The following MIB1 variants were observed in gnomAD, a reference collection of about 807,000 sequenced individuals.
The protein encoded by MIB1 is E3 ubiquitin-protein ligase MIB1.
A neutral mutation model predicts 124.5 loss-of-function variants in MIB1; 278 were observed. The ratio of observed to expected loss-of-function variants is 2.23; its 90% confidence interval spans 2.02 to 2.47. The LOEUF is 2.47. MIB1 is among the 30% of genes most tolerant of loss of function. The pLI is 0.00. For synonymous variants in MIB1, 446 were observed against 429.4 expected (o/e 1.04, Z -0.48); for missense variants, 957 against 1,254.4 (o/e 0.76, Z 3.58).
chr18:21,839,568 A>G (rs568377477), intron 13 of MIB1, among the ~76,000 whole-genome samples: 1 of 152,294 alleles, frequency 6.6e-6, no homozygotes, highest in East Asian at 1.9e-4. Flanking sequence ...ACAGTGGCAC[A>G]ATCATGGCTC....
chr18:21,713,089 C>A (rs2040672497), intron 1 of MIB1, among the ~76,000 whole-genome samples: 1 of 152,114 alleles, frequency 6.6e-6, no homozygotes. Flanking sequence ...TCCTGAGTAG[C>A]TGGGACTACA....
intron 4 of MIB1, among the ~76,000 whole-genome samples, chr18:21,776,901 C>T (rs2041295109): frequency 6.6e-6 from 1 of 151,836 alleles, no homozygotes; most frequent in African/African-American, 2.4e-5. Flanking sequence ...TGCTTGAACC[C>T]AGGAGGTGGA....
intron 3 of MIB1, among the ~76,000 whole-genome samples, chr18:21,771,482 A>T (rs2041223432): frequency 6.6e-6 from 1 of 152,198 alleles, no homozygotes; most frequent in Admixed American, 6.5e-5. Flanking sequence ...TTTTTGCTAC[A>T]GATTGCATGT....
At chr18:21,772,600 T>G (rs2041234973) in intron 3 of MIB1, among the ~76,000 whole-genome samples, 1 of 152,188 alleles carries the variant, frequency 6.6e-6, no homozygotes, top group African/African-American at 2.4e-5. Flanking sequence ...TCTAAAACAT[T>G]TCTTGTCCTA....
At chr18:21,756,831 CA>C (rs1336104196) in intron 1 of MIB1, among the ~76,000 whole-genome samples, 1 of 152,026 alleles carries the variant, frequency 6.6e-6, no homozygotes, top group African/African-American at 2.4e-5. Context: ...AAAAAAATGC[CA>C]AAAATATAAA....
intron 12 of MIB1, among the ~76,000 whole-genome samples, chr18:21,821,581 G>A (rs947899153): frequency 6.6e-6 from 1 of 150,690 alleles, no homozygotes; most frequent in Non-Finnish European, 1.5e-5. Flanking sequence ...CTTGTTCTGT[G>A]TGTGTTTTTT....
intron 1 of MIB1, among the ~76,000 whole-genome samples, chr18:21,760,704 A>G (rs892108913): frequency 6.6e-6 from 1 of 152,212 alleles, no homozygotes; most frequent in Non-Finnish European, 1.5e-5. Context: ...GTTGTGGAAA[A>G]TGAACTTAGA....
At chr18:21,842,653 C>A (rs2042102031) in intron 13 of MIB1, among the ~76,000 whole-genome samples, 1 of 152,158 alleles carries the variant, frequency 6.6e-6, no homozygotes, top group African/African-American at 2.4e-5. Context: ...ACCTTCTCAC[C>A]TAAAGCAAAC....
chr18:21,765,944 G>T lies in MIB1; in HGVS notation c.401+1G>T, dbSNP rs1348207694. On this transcript the variant is annotated splice_donor_variant, in intron 2 of 20. Transcript: ENST00000261537. LOFTEE classifies it high-confidence loss of function. ...GAATTACTACACCGGGAAGTGAGAG[G>T]TAGGGAGAACCCTTTTCTTCTTCAA... is the stretch of plus-strand genomic sequence containing the variant. The T allele has an allele frequency of 6.2e-7, 1 of 1,613,818 alleles. No homozygotes were observed. Among genetic ancestry groups the T allele is most frequent in the Non-Finnish European group, 8.5e-7 (1 of 1,179,774 alleles).
At chr18:21,759,323 G>GCCT (rs1169902608) in intron 1 of MIB1, among the ~76,000 whole-genome samples, 2 of 151,676 alleles carry the variant, frequency 1.3e-5, no homozygotes, top group Non-Finnish European at 2.9e-5. Flanking sequence ...GCTCACGGCA[G>GCCT]CCTCCTCCTC....
chr18:21,812,076 T>C (rs1485389241), intron 10 of MIB1, among the ~76,000 whole-genome samples: 2 of 152,050 alleles, frequency 1.3e-5, no homozygotes, highest in Non-Finnish European at 2.9e-5. Flanking sequence ...AATTATACTA[T>C]AGTGTGAGAA....
chr18:21,719,451 A>G (rs1185685876), intron 1 of MIB1, among the ~76,000 whole-genome samples: 1 of 152,032 alleles, frequency 6.6e-6, no homozygotes, highest in Non-Finnish European at 1.5e-5. Flanking sequence ...AGAGTTTAAA[A>G]AAAATTTTTT....
chr18:21,821,044 C>T (rs1037246480), intron 12 of MIB1, among the ~76,000 whole-genome samples: 2 of 152,146 alleles, frequency 1.3e-5, no homozygotes, highest in African/African-American at 4.8e-5. Context: ...TTCTTAGCTT[C>T]CAACTAGTTT....
chr18:21,818,724 C>T (rs1470833055), intron 11 of MIB1, among the ~76,000 whole-genome samples: 1 of 152,050 alleles, frequency 6.6e-6, no homozygotes, highest in Non-Finnish European at 1.5e-5. Context: ...ATCACGAGGT[C>T]AGGAGTCTGA....
chr18:21,849,284 G>T lies in MIB1; in HGVS notation c.2482G>T (p.Asp828Tyr). The part of the protein sequence containing the change: ...ECMVCSDMKR[D>Y]TLFGPCGHIA... ...TATGGTGTGCTCAGATATGAAGAGA[G>T]ATACTCTTTTTGGTCCATGTGGACA... The change falls in exon 17 of 21, where the codon GAT becomes TAT. Residue 828 changes from aspartate to tyrosine, a missense_variant. By Grantham distance (160) the Asp-to-Tyr change is radical (BLOSUM62 -3). Transcript: ENST00000261537. 1 of 1,612,592 alleles carries T rather than the reference G, an allele frequency of 6.2e-7. No homozygotes were observed. The highest frequency in any genetic ancestry group is 8.5e-7 in the Non-Finnish European group (1 of 1,178,974).
At chr18:21,804,160 C>T (rs982495373) in intron 10 of MIB1, 146 bp downstream of exon 10, 1 of 628,992 alleles carries the variant, frequency 1.6e-6, no homozygotes, top group African/African-American at 1.8e-5. Flanking sequence ...ACAGAGGCAA[C>T]TTGAAACAGT....
intron 10 of MIB1, among the ~76,000 whole-genome samples, chr18:21,807,717 C>G (rs1335940341): frequency 1.3e-5 from 2 of 152,156 alleles, no homozygotes; most frequent in African/African-American, 4.8e-5. Context: ...CAACAGTGAT[C>G]TGGCTTTAAA....
chr18:21,772,732 G>A (rs527609555), intron 3 of MIB1, among the ~76,000 whole-genome samples: 37 of 152,074 alleles, frequency 2.4e-4, no homozygotes, highest in African/African-American at 8.7e-4. Context: ...TTGGGTGTGG[G>A]GCTTGGAGAT....
chr18:21,764,754 C>CA (rs796338949), intron 1 of MIB1, among the ~76,000 whole-genome samples: 2 of 151,376 alleles, frequency 1.3e-5, no homozygotes, highest in Admixed American at 1.3e-4. Context: ...CAAAACAAAA[C>CA]AAAAAAACCC....
Sources: gnomAD v4.1 joint callset for allele counts (sites outside exome capture counted in the v4.1 genomes callset) on GRCh38, gnomAD v4.1.1 for gene constraint, MANE v1.5 for transcripts, NCBI Gene and HGNC (gene_info 2026-07-23, HGNC 2026-07-21) for gene names.